The following KATNBL1 variants were observed in gnomAD, a reference collection of about 807,000 sequenced individuals.
KATNBL1 encodes KATNB1-like protein 1.
KATNBL1 carries 28 observed loss-of-function variants against 44.7 expected under a neutral mutation model. The observed-to-expected ratio is 0.63, with a 90% CI of 0.46 to 0.86. KATNBL1 has a LOEUF of 0.86. Among genes scored for constraint, KATNBL1 ranks in the 40% least tolerant of loss-of-function variants. KATNBL1 has a pLI of 0.00. For synonymous variants in KATNBL1, 78 were observed against 114.9 expected (o/e 0.68, Z 2.06); for missense variants, 272 against 350.7 (o/e 0.78, Z 1.79).
intron 9 of KATNBL1, 41 bp from the exon 10 acceptor site, chr15:34,142,412 T>A: frequency 1.9e-6 from 3 of 1,551,918 alleles, no homozygotes; most frequent in Non-Finnish European, 2.6e-6. Flanking sequence ...GACAGTACAG[T>A]AAATACAAAC....
intron 1 of KATNBL1, among the ~76,000 whole-genome samples, chr15:34,164,808 AGG>A (rs747965358): frequency 1.2e-4 from 19 of 152,252 alleles, no homozygotes; most frequent in Non-Finnish European, 2.2e-4. Context: ...AGAATCATTT[AGG>A]AAACTTTTTG....
chr15:34,153,688 A>G (rs1225469959), intron 3 of KATNBL1, among the ~76,000 whole-genome samples: 1 of 152,038 alleles, frequency 6.6e-6, no homozygotes, highest in East Asian at 1.9e-4. Flanking sequence ...CTCTTGCCTC[A>G]GCCTCCTGAG....
chr15:34,194,624 G>A (rs534917298), intron 1 of KATNBL1, among the ~76,000 whole-genome samples: 61 of 152,208 alleles, frequency 4.0e-4, no homozygotes, highest in African/African-American at 1.4e-3. Context: ...ACCGTGTGGA[G>A]GTGGGGTTGG....
At chr15:34,168,178 T>C (rs1889043783) in intron 1 of KATNBL1, among the ~76,000 whole-genome samples, 3 of 152,142 alleles carry the variant, frequency 2.0e-5, no homozygotes, top group Admixed American at 2.0e-4. Flanking sequence ...ATCGGTGTGC[T>C]GTATTCAGGA....
chr15:34,162,513 C>G (rs1239806404), intron 2 of KATNBL1, among the ~76,000 whole-genome samples: 1 of 152,164 alleles, frequency 6.6e-6, no homozygotes, highest in Non-Finnish European at 1.5e-5. Context: ...CGGAATAATA[C>G]AACATCCAGC....
intron 1 of KATNBL1, among the ~76,000 whole-genome samples, chr15:34,200,971 C>T (rs1368024869): frequency 6.6e-6 from 1 of 152,170 alleles, no homozygotes; most frequent in East Asian, 1.9e-4. Flanking sequence ...TGCACACCAC[C>T]ACACCTGGCT....
chr15:34,151,942 C>CTT (rs57229186), intron 4 of KATNBL1, among the ~76,000 whole-genome samples: 13 of 139,448 alleles, frequency 9.3e-5, no homozygotes, highest in Non-Finnish European at 1.3e-4. Context: ...CGGTGGTCCA[C>CTT]TTTTTTTTTT....
chr15:34,147,876 T>C (rs977301742), intron 5 of KATNBL1, among the ~76,000 whole-genome samples: 1 of 152,282 alleles, frequency 6.6e-6, no homozygotes, highest in East Asian at 1.9e-4. Context: ...TTTAGTAATT[T>C]TTTTTTTAAG....
At chr15:34,177,251 G>C (rs1889361295) in intron 1 of KATNBL1, among the ~76,000 whole-genome samples, 1 of 152,132 alleles carries the variant, frequency 6.6e-6, no homozygotes, top group Admixed American at 6.6e-5. Context: ...AGAAGGAATT[G>C]GAGGGATAAA....
intron 1 of KATNBL1, among the ~76,000 whole-genome samples, chr15:34,206,806 A>G (rs1890305454): frequency 6.6e-6 from 1 of 151,776 alleles, no homozygotes; most frequent in South Asian, 2.1e-4. Flanking sequence ...AAAAAAAAAG[A>G]AAAGAAAAGT....
At chr15:34,143,966 C>CA (rs61591705) in intron 9 of KATNBL1, among the ~76,000 whole-genome samples, 51,897 of 66,572 alleles carry the variant, frequency 0.78, 21,516 homozygotes, top group South Asian at 0.87. Flanking sequence ...GATTCCATCT[C>CA]AAAAAAAAAA....
chr15:34,161,052 T>C (rs1888787414), intron 2 of KATNBL1, among the ~76,000 whole-genome samples: 2 of 152,172 alleles, frequency 1.3e-5, no homozygotes. Flanking sequence ...CCAGACTCCT[T>C]TACAGGAGGG....
At chr15:34,163,730 A>AGAGT in intron 1 of KATNBL1, 40 bp from the exon 2 acceptor site, 1 of 1,178,198 alleles carries the variant, frequency 8.5e-7, no homozygotes, top group Non-Finnish European at 1.2e-6. Flanking sequence ...AACAGCAAAA[A>AGAGT]GAGTCTGATC....
intron 1 of KATNBL1, among the ~76,000 whole-genome samples, chr15:34,178,197 T>C (rs934703640): frequency 7.9e-5 from 12 of 152,160 alleles, no homozygotes; most frequent in Non-Finnish European, 1.5e-4. Context: ...GGAATAAACA[T>C]TTTCAATCCG....
At position 34,158,264 on chromosome 15, in the gene KATNBL1, T is replaced by C. The variant is rs528533417; in HGVS notation, c.118-3580A>G. The stretch of plus-strand genomic sequence containing the variant: ...TCTCTTGATGCAGATGAGAGAGGTC[T>C]CTCATAAGGGAATTGGATAACATTT... On this transcript the variant is annotated intron_variant, in intron 2 of 9. Transcript: ENST00000256544. Among the ~76,000 whole-genome samples the C allele has an allele frequency of 4.6e-5, 7 of 152,334 alleles. No individual in the cohort carries two copies. In the South Asian group the frequency reaches 1.4e-3, roughly 32 times the overall value.
At chr15:34,150,846 C>T (rs1007590020) in intron 4 of KATNBL1, among the ~76,000 whole-genome samples, 1 of 152,306 alleles carries the variant, frequency 6.6e-6, no homozygotes, top group African/African-American at 2.4e-5. Context: ...CCCACTCCAA[C>T]TGAGAACATG....
intron 1 of KATNBL1, among the ~76,000 whole-genome samples, chr15:34,169,509 G>A (rs1889091728): frequency 6.6e-6 from 1 of 152,186 alleles, no homozygotes; most frequent in South Asian, 2.1e-4. Context: ...TCTACCAGAA[G>A]CACAAAGAGG....
At chr15:34,194,203 G>A (rs1021878841) in intron 1 of KATNBL1, among the ~76,000 whole-genome samples, 2 of 152,214 alleles carry the variant, frequency 1.3e-5, no homozygotes, top group African/African-American at 4.8e-5. Flanking sequence ...GGCTCACAAA[G>A]TGGTGGGATT....
At chr15:34,178,121 A>G (rs1382544839) in intron 1 of KATNBL1, 3 of 152,232 alleles carry the variant, frequency 2.0e-5, no homozygotes, top group African/African-American at 7.2e-5. Flanking sequence ...AGATCACAGG[A>G]CGTAGAATAC....
Sources: allele counts gnomAD v4.1 joint callset (sites outside exome capture counted in the v4.1 genomes callset), GRCh38; gene constraint gnomAD v4.1.1; transcripts MANE v1.5; gene names NCBI Gene and HGNC (gene_info 2026-07-23, HGNC 2026-07-21).